The following MAPKAPK2 variants were observed in gnomAD, a reference collection of about 807,000 sequenced individuals.
MAPKAPK2 encodes the protein MAPK activated protein kinase 2.
A neutral mutation model predicts 48.8 loss-of-function variants in MAPKAPK2; 9 were observed. The ratio of observed to expected loss-of-function variants is 0.18; its 90% CI spans 0.11 to 0.32. The LOEUF is 0.32. Ranked by LOEUF, MAPKAPK2 falls within the 10% of genes least tolerant of loss-of-function variation. The pLI is 1.00. For synonymous variants in MAPKAPK2, 202 were observed against 190.6 expected, an observed-to-expected ratio of 1.06 and a Z score of -0.49; for missense variants, 331 against 498.3, an observed-to-expected ratio of 0.66 and a Z score of 3.20.
chr1:206,692,909 G>T (rs902002985), intron 1 of MAPKAPK2, among the ~76,000 whole-genome samples: 4 of 152,180 alleles, frequency 2.6e-5, no homozygotes, highest in Non-Finnish European at 5.9e-5. Context: ...AGCATATGAG[G>T]GAGCTGAGGG....
In MAPKAPK2 at chr1:206,732,524, A is replaced by G. The variant is rs1673952806; in HGVS notation, c.1060-51A>G. 1 of 1,602,402 alleles carries G rather than the reference A, an allele frequency of 6.2e-7. No individual in the cohort carries two copies. Among genetic ancestry groups the G allele is most frequent in the African/African-American group, 1.3e-5 (1 of 74,426 alleles). On this transcript the variant is annotated intron_variant, in intron 9 of 9. Coordinates refer to ENST00000367103, the MANE Select transcript of MAPKAPK2 (RefSeq NM_032960.4). This position sits in a 1 kb window ranked among gnomAD's most constrained non-coding sequence, Gnocchi z 4.4. ...ACGTCTCTCTTCTGCTGTCTCTCCT[A>G]CCTGTCTTCTGGCTCTCTCTGTACC... is the stretch of plus-strand genomic sequence containing the variant.
intron 1 of MAPKAPK2, among the ~76,000 whole-genome samples, chr1:206,700,175 C>T (rs753667076): frequency 7.2e-5 from 11 of 152,090 alleles, no homozygotes; most frequent in Admixed American, 2.6e-4. Flanking sequence ...TTCCACTCTC[C>T]TTTCCTCTGA....
Position 206,704,318 on chromosome 1 carries a change from G to A in MAPKAPK2, c.279+18810G>A, listed in dbSNP as rs981935483. Among the ~76,000 whole-genome samples, 6 of 152,210 alleles carry A rather than the reference G, an allele frequency of 3.9e-5. No individual in the cohort carries two copies. Among genetic ancestry groups the A allele is most frequent in the African/African-American group, 9.7e-5 (4 of 41,440 alleles). Reference sequence around the variant, plus strand: ...ACCTGGCCCACGGATGGAGGAGGTCGGATGGGGTCTCCCAGGGTCCCCTTG... The same window carrying A: ...ACCTGGCCCACGGATGGAGGAGGTCAGATGGGGTCTCCCAGGGTCCCCTTG... On this transcript the variant is annotated intron_variant, in intron 1 of 9. Coordinates refer to ENST00000367103, the MANE Select transcript of MAPKAPK2 (RefSeq NM_032960.4). This position sits in a 1 kb window ranked among gnomAD's most constrained non-coding sequence, Gnocchi z 4.3.
chr1:206,710,239 T>G (rs1673095696), intron 1 of MAPKAPK2, among the ~76,000 whole-genome samples: 1 of 152,108 alleles, frequency 6.6e-6, no homozygotes, highest in African/African-American at 2.4e-5. Flanking sequence ...TGTTAGCTCT[T>G]CAGTCCACAG....
intron 1 of MAPKAPK2, among the ~76,000 whole-genome samples, chr1:206,685,716 C>T (rs2102367345): frequency 1.3e-5 from 2 of 150,604 alleles, no homozygotes; most frequent in Middle Eastern, 3.4e-3. Context: ...TCCGGCCGCT[C>T]CCGGGCGGGA....
At chr1:206,730,851 C>A in intron 6 of MAPKAPK2, 88 bp downstream of exon 6, 2 of 1,409,846 alleles carry the variant, frequency 1.4e-6, no homozygotes, top group Non-Finnish European at 2.0e-6. Context: ...CAGACGTTAG[C>A]ATTCCCCTTT....
At chr1:206,691,599 A>G (rs1009878786) in intron 1 of MAPKAPK2, among the ~76,000 whole-genome samples, 6 of 151,478 alleles carry the variant, frequency 4.0e-5, no homozygotes, top group African/African-American at 1.2e-4. Flanking sequence ...ACATAAATAG[A>G]AAGCTTCCAG....
intron 1 of MAPKAPK2, among the ~76,000 whole-genome samples, chr1:206,703,906 G>A (rs6691129): frequency 0.2 from 30,250 of 152,238 alleles, 3,167 homozygotes; most frequent in Middle Eastern, 0.31. Flanking sequence ...AAGAGGCAGA[G>A]GCTTCTTGTG....
intron 1 of MAPKAPK2, among the ~76,000 whole-genome samples, chr1:206,718,462 G>A (rs1458042502): frequency 6.7e-6 from 1 of 149,740 alleles, no homozygotes; most frequent in Non-Finnish European, 1.5e-5. Flanking sequence ...AACCCGGGAG[G>A]CAGAGCTTGC....
chr1:206,698,076 AAG>A (rs1553427330), intron 1 of MAPKAPK2, among the ~76,000 whole-genome samples: 1 of 152,266 alleles, frequency 6.6e-6, no homozygotes, highest in African/African-American at 2.4e-5. Context: ...CTCGGGGACT[AAG>A]AGCCATCATC....
At chr1:206,697,039 C>G (rs1672649557) in intron 1 of MAPKAPK2, among the ~76,000 whole-genome samples, 1 of 152,236 alleles carries the variant, frequency 6.6e-6, no homozygotes, top group Non-Finnish European at 1.5e-5. Context: ...TTTCTGCTTA[C>G]AGAGTTCTCA....
intron 1 of MAPKAPK2, among the ~76,000 whole-genome samples, chr1:206,718,562 TTAAAGA>T (rs1400779388): frequency 2.6e-5 from 4 of 151,190 alleles, no homozygotes; most frequent in African/African-American, 4.9e-5. Flanking sequence ...AAATAGGATG[TTAAAGA>T]TAAAGCCAAA....
Position 206,730,178 on chromosome 1 carries a change from G to A in MAPKAPK2, c.691+80G>A, listed in dbSNP as rs1673857682. On this transcript the variant is annotated intron_variant, in intron 5 of 9. Coordinates refer to ENST00000367103, the MANE Select transcript of MAPKAPK2 (RefSeq NM_032960.4). ...CCTCCTCTTGGCTATCTGGGGGGCC[G>A]CAAATCCTAGGAGAGTTGTGTCTGT... 13 of 1,547,090 alleles carry A rather than the reference G, an allele frequency of 8.4e-6. 1 individual carries two copies. The highest frequency in any genetic ancestry group is 2.3e-5 in the South Asian group (2 of 85,752).
chr1:206,721,172 G>A (rs1673506476), intron 1 of MAPKAPK2, among the ~76,000 whole-genome samples: 1 of 152,000 alleles, frequency 6.6e-6, no homozygotes, highest in South Asian at 2.1e-4. Flanking sequence ...TTTAAAAGTG[G>A]GTGGCACCCC....
At chr1:206,693,303 C>G (rs1464542952) in intron 1 of MAPKAPK2, among the ~76,000 whole-genome samples, 9 of 152,152 alleles carry the variant, frequency 5.9e-5, no homozygotes, top group African/African-American at 1.9e-4. Flanking sequence ...CCAGTGCTTC[C>G]TGCCACACCG....
intron 1 of MAPKAPK2, among the ~76,000 whole-genome samples, chr1:206,687,651 A>G (rs782676029): frequency 3.9e-5 from 6 of 152,258 alleles, no homozygotes; most frequent in Non-Finnish European, 8.8e-5. Context: ...ATCTGGTTCA[A>G]AGAACGCTGT....
intron 1 of MAPKAPK2, among the ~76,000 whole-genome samples, chr1:206,715,897 C>T (rs1489669428): frequency 1.3e-5 from 2 of 152,096 alleles, no homozygotes; most frequent in Non-Finnish European, 2.9e-5. Flanking sequence ...AGCCATCCTC[C>T]TGCCTCAGCC....
intron 1 of MAPKAPK2, among the ~76,000 whole-genome samples, chr1:206,718,532 CAAAAAAA>C (rs60964142): frequency 0.21 from 23,891 of 114,586 alleles, 2,112 homozygotes; most frequent in South Asian, 0.34. Flanking sequence ...GACTCCATCT[CAAAAAAA>C]AAAAAAAAAA....
chr1:206,688,207 G>T (rs1553425824), intron 1 of MAPKAPK2, among the ~76,000 whole-genome samples: 1 of 152,190 alleles, frequency 6.6e-6, no homozygotes, highest in Non-Finnish European at 1.5e-5. Flanking sequence ...AGGTCATTTT[G>T]TCCAGCCCCC....
Sources: gnomAD v4.1 joint callset for allele counts (sites outside exome capture counted in the v4.1 genomes callset) on GRCh38, gnomAD v4.1.1 for gene constraint, Gnocchi (gnomAD v3.1) non-coding constraint, MANE v1.5 for transcripts, NCBI Gene and HGNC (gene_info 2026-07-23, HGNC 2026-07-21) for gene names.